The following SYN3 variants were observed in gnomAD, a reference collection of about 807,000 sequenced individuals.
The protein encoded by SYN3 is synapsin-3.
SYN3 carries 35 observed loss-of-function variants against 65.8 expected under a neutral mutation model. The ratio of observed to expected loss-of-function variants is 0.53; its 90% CI spans 0.41 to 0.70. The LOEUF (loss-of-function observed/expected upper bound fraction) is 0.70, where lower values mean the gene tolerates loss of function less well. SYN3 is among the 30% of genes least tolerant of loss of function. The probability of loss-of-function intolerance (pLI) is 0.00; values close to 1 mark genes in which losing one functional copy is unlikely to be tolerated. For missense variants in SYN3, 680 were observed against 749.0 expected (o/e 0.91, Z 1.08); for synonymous variants, 270 against 292.9 (o/e 0.92, Z 0.80).
chr22:32,988,326 A>AATAATAATAATC (rs1276932131), intron 2 of SYN3, among the ~76,000 whole-genome samples: 2 of 147,308 alleles, frequency 1.4e-5, no homozygotes, highest in Non-Finnish European at 3.0e-5. Context: ...TAATAATAAT[A>AATAATAATAATC]ATAATAATAA....
chr22:32,925,754 C>T (rs1443801114), intron 4 of SYN3, among the ~76,000 whole-genome samples: 1 of 152,040 alleles, frequency 6.6e-6, no homozygotes, highest in Non-Finnish European at 1.5e-5. Context: ...ATCCCACCCT[C>T]AGAGATTCCA....
intron 4 of SYN3, among the ~76,000 whole-genome samples, chr22:32,929,000 C>T (rs115734282): frequency 0.058 from 8,892 of 152,146 alleles, 843 homozygotes; most frequent in African/African-American, 0.2. Context: ...ATGGTTGTAT[C>T]GGCTGGTCGC....
intron 6 of SYN3, among the ~76,000 whole-genome samples, chr22:32,719,497 C>T (rs116854617): frequency 0.013 from 2,053 of 152,296 alleles, 25 homozygotes; most frequent in Non-Finnish European, 0.017. Flanking sequence ...TTCTGTTCAC[C>T]GTTGCATCCA....
intron 6 of SYN3, among the ~76,000 whole-genome samples, chr22:32,755,242 G>A (rs2045255240): frequency 6.6e-6 from 1 of 152,188 alleles, no homozygotes; most frequent in African/African-American, 2.4e-5. Flanking sequence ...GGGCTAAAAC[G>A]AAGGCTCAGA....
chr22:33,009,905 C>T (rs553499532), intron 1 of SYN3, among the ~76,000 whole-genome samples: 157 of 151,926 alleles, frequency 1.0e-3, no homozygotes, highest in Non-Finnish European at 2.8e-4. Flanking sequence ...TCAAATTTTT[C>T]ATTTATGGTT....
rs970970790 is a variant in SYN3, at chr22:32,657,654, T to C, written c.712-60918A>G. On this transcript the variant is annotated intron_variant, in intron 6 of 13. Coordinates refer to ENST00000358763, the MANE Select transcript of SYN3 (RefSeq NM_003490.4). ...CAAGGCAGGGCTTGGTAAGAAGGGCTGCAGACTGTGCTCTCCGGAGCCTTC... is the reference window on the plus strand; with the variant it reads ...CAAGGCAGGGCTTGGTAAGAAGGGCCGCAGACTGTGCTCTCCGGAGCCTTC... Among the ~76,000 whole-genome samples, 239 of 152,320 alleles carry C rather than the reference T, an allele frequency of 1.6e-3. 2 individuals are homozygous for C. In the Middle Eastern group the frequency reaches 0.017, roughly 11 times the overall value.
At chr22:32,709,683 C>T (rs1237015889) in intron 6 of SYN3, among the ~76,000 whole-genome samples, 1 of 151,908 alleles carries the variant, frequency 6.6e-6, no homozygotes, top group Non-Finnish European at 1.5e-5. Context: ...ATTTCCAAAG[C>T]TTTTTCCTTT....
intron 6 of SYN3, among the ~76,000 whole-genome samples, chr22:32,643,826 T>G (rs1569118554): frequency 6.6e-6 from 1 of 151,654 alleles, no homozygotes; most frequent in Non-Finnish European, 1.5e-5. Flanking sequence ...GCGCGGTGGC[T>G]CACACCTGTA....
intron 3 of SYN3, among the ~76,000 whole-genome samples, chr22:32,942,703 A>G (rs1279133097): frequency 1.3e-5 from 2 of 152,224 alleles, no homozygotes; most frequent in African/African-American, 4.8e-5. Flanking sequence ...TTGAAAAAAG[A>G]TTAGACAAAT....
intron 1 of SYN3, among the ~76,000 whole-genome samples, chr22:33,013,170 A>T (rs1601905009): frequency 6.6e-6 from 1 of 152,300 alleles, no homozygotes; most frequent in Non-Finnish European, 1.5e-5. Context: ...TGACTTTGAA[A>T]AAAAATCACC....
chr22:32,821,556 TG>T (rs1166204512), intron 6 of SYN3, among the ~76,000 whole-genome samples: 1 of 152,216 alleles, frequency 6.6e-6, no homozygotes, highest in East Asian at 1.9e-4. Context: ...CTGTCTGCCC[TG>T]GTCTTCAGGC....
chr22:32,569,516 A>C (rs1425688565), intron 7 of SYN3, among the ~76,000 whole-genome samples: 2 of 149,798 alleles, frequency 1.3e-5, no homozygotes, highest in African/African-American at 4.9e-5. Flanking sequence ...TCATCTATCT[A>C]TATCTATCTA....
rs1178031166 is a variant in SYN3 at position 32,785,153 on chromosome 22, AGGGGTCAGTCGGTGCAGCTCT to A, written c.711+79741_711+79761del. 5.3e-5 allele frequency among the ~76,000 whole-genome samples: 8 copies of A among 151,198 alleles called. No individual in the cohort carries two copies. In the East Asian group the frequency reaches 1.2e-3, roughly 22 times the overall value. On this transcript the variant is annotated intron_variant, in intron 6 of 13. Coordinates refer to ENST00000358763, the MANE Select transcript of SYN3 (RefSeq NM_003490.4). ...GTCTGTTACAGCTGGAGGGGATGAG[AGGGGTCAGTCGGTGCAGCTCT>A]GGGGTCAGTCGGTGCAGCTCTTGTT... is the stretch of plus-strand genomic sequence containing the variant.
chr22:32,998,542 G>C (rs764932890), intron 2 of SYN3, among the ~76,000 whole-genome samples: 1 of 152,114 alleles, frequency 6.6e-6, no homozygotes, highest in Non-Finnish European at 1.5e-5. Flanking sequence ...AGGAGAGCCA[G>C]GGCTCCAGAG....
chr22:32,605,733 C>A (rs2059363408), intron 6 of SYN3, among the ~76,000 whole-genome samples: 1 of 152,218 alleles, frequency 6.6e-6, no homozygotes, highest in South Asian at 2.1e-4. Flanking sequence ...GCTTCCCCTG[C>A]ACCCAGAACT....
At chr22:32,744,137 G>C (rs2044857341) in intron 6 of SYN3, among the ~76,000 whole-genome samples, 1 of 152,112 alleles carries the variant, frequency 6.6e-6, no homozygotes, top group Non-Finnish European at 1.5e-5. Flanking sequence ...CAGGAGTTAA[G>C]AGCAGATGCT....
intron 6 of SYN3, among the ~76,000 whole-genome samples, chr22:32,676,715 T>TTG (rs1170147232): frequency 6.6e-6 from 1 of 150,674 alleles, no homozygotes; most frequent in African/African-American, 2.4e-5. Flanking sequence ...TTTTTGTTTT[T>TTG]TTTTTTTTTA....
At chr22:32,825,978 G>C (rs2047399658) in intron 6 of SYN3, among the ~76,000 whole-genome samples, 1 of 152,164 alleles carries the variant, frequency 6.6e-6, no homozygotes, top group Non-Finnish European at 1.5e-5. Flanking sequence ...TAGTAGCATA[G>C]GGAAAAGTCT....
rs5754287 is a variant in SYN3 at position 32,786,654 on chromosome 22, G to A, written c.711+78261C>T. Among the ~76,000 whole-genome samples the A allele has an allele frequency of 2.6e-5, 4 of 152,182 alleles. No homozygotes were observed. The East Asian group carries it at 5.8e-4, about 22-fold the overall frequency. ...TGGGATTACAGGCGTGAGCCACCACGCCCGGCCCTGCAACTTATTCTTAAA... is the reference window on the plus strand; with the variant it reads ...TGGGATTACAGGCGTGAGCCACCACACCCGGCCCTGCAACTTATTCTTAAA... On this transcript the variant is annotated intron_variant, in intron 6 of 13. Coordinates refer to ENST00000358763, the MANE Select transcript of SYN3 (RefSeq NM_003490.4).
Sources: gnomAD v4.1 joint callset for allele counts (sites outside exome capture counted in the v4.1 genomes callset) on GRCh38, gnomAD v4.1.1 for gene constraint, MANE v1.5 for transcripts, NCBI Gene and HGNC (gene_info 2026-07-23, HGNC 2026-07-21) for gene names.